The following DSCAM variants were observed in gnomAD, a reference collection of about 807,000 sequenced individuals.
DSCAM encodes cell adhesion molecule DSCAM.
In DSCAM, 47 loss-of-function variants were observed where a neutral mutation model predicts 217.7. That is an observed-to-expected ratio of 0.22 (90% CI 0.17 to 0.28). The LOEUF (loss-of-function observed/expected upper bound fraction) is 0.28, where lower values mean the gene tolerates loss of function less well. DSCAM is among the 10% of genes least tolerant of loss of function. The pLI, the probability that DSCAM is intolerant of heterozygous loss-of-function variation, is 1.00. For synonymous variants in DSCAM, 1,056 were observed against 1,015.3 expected (o/e 1.04, Z -0.76); for missense variants, 2,080 against 2,618.3 (o/e 0.79, Z 4.49).
At chr21:40,033,221 C>A (rs1021301762) in intron 32 of DSCAM, among the ~76,000 whole-genome samples, 4 of 152,174 alleles carry the variant, frequency 2.6e-5, no homozygotes, top group African/African-American at 9.7e-5. Flanking sequence ...CCAGCCTGAG[C>A]GACGCAGAAG....
intron 10 of DSCAM, among the ~76,000 whole-genome samples, chr21:40,287,678 G>A (rs1037297044): frequency 1.3e-5 from 2 of 152,194 alleles, no homozygotes; most frequent in South Asian, 2.1e-4. Flanking sequence ...CCCCTGTGAT[G>A]AGTCTATAAC....
chr21:40,662,106 A>G (rs1434273024), intron 3 of DSCAM, among the ~76,000 whole-genome samples: 1 of 138,708 alleles, frequency 7.2e-6, no homozygotes, highest in Non-Finnish European at 1.6e-5. Flanking sequence ...CCTGAGGAAT[A>G]AGCACATTAC....
chr21:40,337,335 T>C (rs545141063), intron 8 of DSCAM, among the ~76,000 whole-genome samples: 2 of 152,340 alleles, frequency 1.3e-5, no homozygotes, highest in East Asian at 3.9e-4. Context: ...ATTAGTTCTA[T>C]TCCTAGGACC....
intron 9 of DSCAM, among the ~76,000 whole-genome samples, chr21:40,297,729 C>T (rs28597685): frequency 0.052 from 7,900 of 152,210 alleles, 247 homozygotes; most frequent in East Asian, 0.1. Context: ...TGGAATTCAC[C>T]GCAGTGTTTC....
intron 4 of DSCAM, among the ~76,000 whole-genome samples, chr21:40,364,012 A>G (rs2074798512): frequency 6.6e-6 from 1 of 152,248 alleles, no homozygotes; most frequent in African/African-American, 2.4e-5. Flanking sequence ...GGTGATCATT[A>G]AAAAGTCAGG....
At chr21:40,506,993 A>G (rs567965597) in intron 3 of DSCAM, among the ~76,000 whole-genome samples, 1 of 152,320 alleles carries the variant, frequency 6.6e-6, no homozygotes, top group African/African-American at 2.4e-5. Flanking sequence ...AACAGCCACA[A>G]CTTGGCCAGG....
At chr21:40,042,716 A>G in intron 31 of DSCAM, 43 bp from the exon 32 acceptor site, 1 of 1,548,192 alleles carries the variant, frequency 6.5e-7, no homozygotes, top group African/African-American at 1.3e-5. Flanking sequence ...ACTCACCATC[A>G]GAAGTCTGAA....
At chr21:40,396,444 G>A (rs1349288792) in intron 3 of DSCAM, among the ~76,000 whole-genome samples, 2 of 152,106 alleles carry the variant, frequency 1.3e-5, no homozygotes, top group Admixed American at 1.3e-4. Flanking sequence ...CTGTTGGTTT[G>A]TTGTGGAAGT....
intron 16 of DSCAM, among the ~76,000 whole-genome samples, chr21:40,155,289 G>T (rs1568971732): frequency 6.6e-6 from 1 of 152,198 alleles, no homozygotes; most frequent in Non-Finnish European, 1.5e-5. Context: ...CCCCCACCTA[G>T]CTCCCGCGCC....
intron 3 of DSCAM, among the ~76,000 whole-genome samples, chr21:40,628,800 T>A (rs2089641349): frequency 6.6e-6 from 1 of 152,116 alleles, no homozygotes; most frequent in South Asian, 2.1e-4. Flanking sequence ...CAGGCTAGAG[T>A]GCAGTGGTGC....
At chr21:40,506,950 C>T (rs1008341171) in intron 3 of DSCAM, among the ~76,000 whole-genome samples, 6 of 152,150 alleles carry the variant, frequency 3.9e-5, no homozygotes, top group African/African-American at 1.4e-4. Flanking sequence ...AGAAGTTACA[C>T]TTTGATTGGA....
At chr21:40,690,852 G>T (rs950280972) in intron 3 of DSCAM, among the ~76,000 whole-genome samples, 4 of 152,218 alleles carry the variant, frequency 2.6e-5, no homozygotes, top group South Asian at 2.1e-4. Context: ...GGTAGAACAT[G>T]TTCTCACTTG....
chr21:40,269,386 C>A (rs1045068405), intron 11 of DSCAM, among the ~76,000 whole-genome samples: 1 of 152,206 alleles, frequency 6.6e-6, no homozygotes, highest in Non-Finnish European at 1.5e-5. Context: ...GGAGCTGCTG[C>A]GTTTGATGGG....
At chr21:40,148,907 A>G (rs532032730) in intron 16 of DSCAM, among the ~76,000 whole-genome samples, 1 of 152,262 alleles carries the variant, frequency 6.6e-6, no homozygotes, top group African/African-American at 2.4e-5. Flanking sequence ...TTCCAACTTT[A>G]CCACCATATT....
chr21:40,739,954 A>ATTTTTTTTTTTTTTTTTTTTT (rs56815777), intron 1 of DSCAM, among the ~76,000 whole-genome samples: 7 of 58,978 alleles, frequency 1.2e-4, no homozygotes, highest in African/African-American at 4.7e-4. Flanking sequence ...TGCAGGTGTA[A>ATTTTTTTTTTTTTTTTTTTTT]TTTTTTTTTT....
intron 3 of DSCAM, among the ~76,000 whole-genome samples, chr21:40,565,395 C>T (rs1406148861): frequency 6.6e-6 from 1 of 152,122 alleles, no homozygotes; most frequent in Non-Finnish European, 1.5e-5. Context: ...CTGACTCTAG[C>T]CTATCCACAG....
intron 3 of DSCAM, among the ~76,000 whole-genome samples, chr21:40,455,420 G>T (rs1187691017): frequency 6.6e-6 from 1 of 152,164 alleles, no homozygotes; most frequent in Non-Finnish European, 1.5e-5. Flanking sequence ...TTGCCATATT[G>T]TAATCAACCC....
chr21:40,839,182 C>G (rs1222312669), intron 1 of DSCAM, among the ~76,000 whole-genome samples: 1 of 152,138 alleles, frequency 6.6e-6, no homozygotes, highest in African/African-American at 2.4e-5. Flanking sequence ...TTGTGTCAAT[C>G]ACAAAGCCTG....
At chr21:40,422,154 A>C (rs1425536442) in intron 3 of DSCAM, among the ~76,000 whole-genome samples, 1 of 152,228 alleles carries the variant, frequency 6.6e-6, no homozygotes, top group Non-Finnish European at 1.5e-5. Context: ...AGCACAGATA[A>C]GACTTCAGAA....
Sources: allele counts gnomAD v4.1 joint callset (sites outside exome capture counted in the v4.1 genomes callset), GRCh38; gene constraint gnomAD v4.1.1; transcripts MANE v1.5; gene names NCBI Gene and HGNC (gene_info 2026-07-23, HGNC 2026-07-21).